The following PARL variants were observed in gnomAD, a reference collection of about 807,000 sequenced individuals.
PARL encodes presenilin-associated rhomboid-like protein, mitochondrial.
In PARL, 44 loss-of-function variants were observed where a neutral mutation model predicts 51.6. The ratio of observed to expected loss-of-function variants is 0.85; its 90% CI spans 0.67 to 1.10. The LOEUF is 1.10. PARL is among the 50% of genes least tolerant of loss of function. The pLI is 0.00. For synonymous variants in PARL, 172 were observed against 164.0 expected, an observed-to-expected ratio of 1.05 and a Z score of -0.37; for missense variants, 441 against 469.5, an observed-to-expected ratio of 0.94 and a Z score of 0.56.
chr3:183,838,672 G>C (rs954116414), intron 7 of PARL, among the ~76,000 whole-genome samples: 1 of 152,136 alleles, frequency 6.6e-6, no homozygotes, highest in Non-Finnish European at 1.5e-5. Context: ...CTGAAATTCA[G>C]AGAAGTTCAG....
intron 7 of PARL, 138 bp downstream of exon 7, chr3:183,840,432 G>T: frequency 1.8e-6 from 1 of 542,206 alleles, no homozygotes; most frequent in Non-Finnish European, 3.3e-6. Flanking sequence ...TAATTTCTTG[G>T]TTTCGATGTT....
chr3:183,882,408 CAT>C (rs753133425), intron 1 of PARL, among the ~76,000 whole-genome samples: 66,283 of 140,968 alleles, frequency 0.47, 15,137 homozygotes, highest in Middle Eastern at 0.59. Context: ...TATACACACA[CAT>C]ATATATAGAG....
At chr3:183,845,999 G>C (rs1365016035) in intron 4 of PARL, among the ~76,000 whole-genome samples, 5 of 151,994 alleles carry the variant, frequency 3.3e-5, no homozygotes, top group Admixed American at 2.0e-4. Context: ...GAGCAAGATG[G>C]GGTCCCTGAT....
intron 9 of PARL, among the ~76,000 whole-genome samples, chr3:183,830,988 T>C (rs1727869436): frequency 6.6e-6 from 1 of 152,204 alleles, no homozygotes; most frequent in Non-Finnish European, 1.5e-5. Flanking sequence ...CAAATCTTTT[T>C]TGTTGTTAGA....
At chr3:183,843,965 G>C (rs1227924397) in intron 5 of PARL, among the ~76,000 whole-genome samples, 1 of 152,020 alleles carries the variant, frequency 6.6e-6, no homozygotes, top group East Asian at 1.9e-4. Flanking sequence ...CTTGAACCTG[G>C]GAGGTGGAGG....
intron 1 of PARL, among the ~76,000 whole-genome samples, chr3:183,874,976 G>A (rs1418276059): frequency 6.6e-6 from 1 of 152,210 alleles, no homozygotes; most frequent in Non-Finnish European, 1.5e-5. Flanking sequence ...GGAGGCTGAG[G>A]CAGGAAGATC....
chr3:183,840,078 G>A (rs1729109118), intron 7 of PARL, among the ~76,000 whole-genome samples: 1 of 152,136 alleles, frequency 6.6e-6, no homozygotes, highest in African/African-American at 2.4e-5. Flanking sequence ...CTGAGGGCAG[G>A]AGCCTTTTTT....
At chr3:183,852,979 C>T (rs1263956585) in intron 4 of PARL, among the ~76,000 whole-genome samples, 1 of 152,076 alleles carries the variant, frequency 6.6e-6, no homozygotes, top group African/African-American at 2.4e-5. Context: ...CAAAAATTAA[C>T]TCAAAATGGA....
intron 2 of PARL, 142 bp from the exon 3 acceptor site, chr3:183,866,907 A>G (rs945719302): frequency 7.5e-6 from 5 of 665,314 alleles, no homozygotes; most frequent in Non-Finnish European, 1.3e-5. Flanking sequence ...CTAATAAGTG[A>G]AAAGGGCTTT....
chr3:183,853,974 C>T (rs1730847399), intron 4 of PARL, among the ~76,000 whole-genome samples: 1 of 152,130 alleles, frequency 6.6e-6, no homozygotes, highest in African/African-American at 2.4e-5. Flanking sequence ...TGTGGTGGCT[C>T]ATGCCTGTAA....
At chr3:183,846,240 C>T (rs1326583235) in intron 4 of PARL, among the ~76,000 whole-genome samples, 1 of 152,058 alleles carries the variant, frequency 6.6e-6, no homozygotes, top group African/African-American at 2.4e-5. Flanking sequence ...TCTGTAATCC[C>T]AGCAGTACTT....
At chr3:183,849,544 TAA>T (rs1730323368) in intron 4 of PARL, among the ~76,000 whole-genome samples, 2 of 151,746 alleles carry the variant, frequency 1.3e-5, no homozygotes, top group South Asian at 2.1e-4. Flanking sequence ...ATGCCCACAT[TAA>T]AAAAAGAGAT....
At chr3:183,861,067 C>CCT (rs1731773321) in intron 4 of PARL, 1 of 159,382 alleles carries the variant, frequency 6.3e-6, no homozygotes, top group African/African-American at 2.4e-5. Flanking sequence ...CTGCCCGCCT[C>CCT]GGCCTCCCAA....
At chr3:183,841,248 T>G (rs1381367876) in intron 6 of PARL, among the ~76,000 whole-genome samples, 1 of 152,216 alleles carries the variant, frequency 6.6e-6, no homozygotes, top group Non-Finnish European at 1.5e-5. Context: ...GAGCAGGAAT[T>G]AATGTATCTG....
chr3:183,856,678 C>T (rs1281373203), intron 4 of PARL: 3 of 152,214 alleles, frequency 2.0e-5, no homozygotes, highest in Non-Finnish European at 4.4e-5. Flanking sequence ...GGCAAAGGCC[C>T]TTGTAATTGC....
chr3:183,848,896 T>C (rs977891573), intron 4 of PARL, among the ~76,000 whole-genome samples: 5 of 152,170 alleles, frequency 3.3e-5, no homozygotes, highest in African/African-American at 1.2e-4. Flanking sequence ...TCCTGGACTC[T>C]ACAAGGCCAC....
chr3:183,860,869 G>T (rs1731744005), intron 4 of PARL, among the ~76,000 whole-genome samples: 1 of 144,814 alleles, frequency 6.9e-6, no homozygotes, highest in Non-Finnish European at 1.5e-5. Flanking sequence ...AGGCTGGAGT[G>T]CAGTGGCGCA....
intron 7 of PARL, 41 bp from the exon 8 acceptor site, chr3:183,833,866 G>C: frequency 8.0e-7 from 1 of 1,242,730 alleles, no homozygotes; most frequent in Non-Finnish European, 1.2e-6. Flanking sequence ...AACTCAATAT[G>C]CAACTGCTTA....
chr3:183,826,827 G>A (rs966408309), downstream of PARL: 36 of 964,840 alleles, frequency 3.7e-5, no homozygotes, highest in African/African-American at 4.4e-4. Context: ...TGGCGCTTGG[G>A]ACTAAAATTC....
Sources: allele counts gnomAD v4.1 joint callset (sites outside exome capture counted in the v4.1 genomes callset), GRCh38; gene constraint gnomAD v4.1.1; transcripts MANE v1.5; gene names NCBI Gene and HGNC (gene_info 2026-07-23, HGNC 2026-07-21).